ELAVL1: variants seen among roughly 807,000 people sequenced by gnomAD.
ELAVL1 encodes the protein ELAV-like protein 1.
In ELAVL1, 1 loss-of-function variant was observed where a neutral mutation model predicts 28.4. That is an observed-to-expected ratio of 0.04 (90% CI 0.01 to 0.17). The LOEUF (loss-of-function observed/expected upper bound fraction) is 0.17, where lower values mean the gene tolerates loss of function less well. Ranked by LOEUF, ELAVL1 falls within the 10% of genes least tolerant of loss-of-function variation. The pLI is 1.00. For synonymous variants in ELAVL1, 174 were observed against 183.5 expected, an observed-to-expected ratio of 0.95 and a Z score of 0.42; for missense variants, 157 against 447.2, an observed-to-expected ratio of 0.35 and a Z score of 5.85.
At chr19:7,983,393 G>T (rs1232055792) in intron 2 of ELAVL1, among the ~76,000 whole-genome samples, 1 of 152,196 alleles carries the variant, frequency 6.6e-6, no homozygotes, top group Non-Finnish European at 1.5e-5. Flanking sequence ...AGGTGTCCCT[G>T]CACCCCCTTT....
chr19:7,991,932 C>CTTTT (rs398033838), intron 1 of ELAVL1, 101 bp from the exon 2 acceptor site: 40 of 647,378 alleles, frequency 6.2e-5, no homozygotes, highest in Admixed American at 8.6e-5. Context: ...TTCTTTCTTT[C>CTTTT]TTTTTTTTTT....
At chr19:7,998,541 C>T (rs2081056847) in intron 1 of ELAVL1, among the ~76,000 whole-genome samples, 2 of 152,356 alleles carry the variant, frequency 1.3e-5, no homozygotes, top group Middle Eastern at 3.4e-3. Flanking sequence ...ACCCTCCCTT[C>T]CCGCTCACTC....
At chr19:7,964,035 T>C (rs773069759) in intron 5 of ELAVL1, among the ~76,000 whole-genome samples, 2 of 152,038 alleles carry the variant, frequency 1.3e-5, no homozygotes, top group Non-Finnish European at 2.9e-5. Context: ...GAGGGGCTGG[T>C]TGGTGCCCTC....
chr19:7,991,903 G>T, intron 1 of ELAVL1, 72 bp from the exon 2 acceptor site: 9 of 1,144,514 alleles, frequency 7.9e-6, no homozygotes, highest in South Asian at 3.8e-5. Flanking sequence ...ACTAGTAACT[G>T]CATTTGCACT....
chr19:7,963,801 G>A lies in ELAVL1; in HGVS notation c.663C>T (p.Ser221=), dbSNP rs1320876709. ...CGCTCATGTGATCGACGCCCATGGG[G>A]GAGAACCTGGCAGACAGAGAGCAAG... ...VHHQAQRFRF[S]PMGVDHMSGL... is the part of the protein sequence containing the mutation. Residue 221 remains serine, a synonymous_variant, in exon 6 of 6, where the codon TCC becomes TCT. Transcript: ENST00000407627. This position sits in a 1 kb window ranked among gnomAD's most constrained non-coding sequence, Gnocchi z 4.5. 2 of 1,613,210 alleles carry A rather than the reference G, an allele frequency of 1.2e-6. No individual in the cohort carries two copies. Among genetic ancestry groups the A allele is most frequent in the Admixed American group, 3.3e-5 (2 of 59,998 alleles).
At chr19:7,978,304 C>T (rs924561871) in intron 3 of ELAVL1, among the ~76,000 whole-genome samples, 23 of 152,140 alleles carry the variant, frequency 1.5e-4, no homozygotes, top group Middle Eastern at 6.3e-3. Context: ...GGATGGGCTC[C>T]GACACCAGAA....
intron 4 of ELAVL1, among the ~76,000 whole-genome samples, chr19:7,971,939 G>T (rs574691577): frequency 6.6e-6 from 1 of 152,354 alleles, no homozygotes; most frequent in Non-Finnish European, 1.5e-5. Flanking sequence ...GGCCAGGAAG[G>T]CCCCACCTGT....
intron 1 of ELAVL1, among the ~76,000 whole-genome samples, chr19:8,003,806 A>G (rs1030660604): frequency 5.3e-5 from 8 of 152,144 alleles, no homozygotes; most frequent in African/African-American, 1.9e-4. Flanking sequence ...TTCCTTCCAC[A>G]TTTGAGACGT....
rs1984796297 is a variant in ELAVL1 at position 7,961,197 on chromosome 19, T to TC, written c.*2285dup. ...AAGAAGCTGAGGTGCTACAAGCCCG[T>TC]CATCATTTTCACAGTTGAAGCTTAA... On this transcript the variant is annotated 3_prime_UTR_variant, in exon 6 of 6. Transcript: ENST00000407627. 1 of 152,260 alleles carries TC rather than the reference T, an allele frequency of 6.6e-6. No individual in the cohort carries two copies. Among genetic ancestry groups the TC allele is most frequent in the Non-Finnish European group, 1.5e-5 (1 of 68,048 alleles). 9.4% of individuals were successfully genotyped at this position (152,260 alleles called of 1,614,324 possible).
At chr19:7,986,322 T>C (rs1194957516) in intron 2 of ELAVL1, among the ~76,000 whole-genome samples, 1 of 152,144 alleles carries the variant, frequency 6.6e-6, no homozygotes, top group Admixed American at 6.5e-5. Flanking sequence ...ACTGAATTAA[T>C]TCAGCAATAA....
chr19:7,986,687 A>G (rs1985610974), intron 2 of ELAVL1, among the ~76,000 whole-genome samples: 1 of 152,232 alleles, frequency 6.6e-6, no homozygotes, highest in Non-Finnish European at 1.5e-5. Flanking sequence ...GTGCCAGGAC[A>G]TTTATGTCAG....
At chr19:7,973,649 G>C in intron 4 of ELAVL1, 76 bp downstream of exon 4, 5 of 1,517,918 alleles carry the variant, frequency 3.3e-6, no homozygotes, top group Non-Finnish European at 3.6e-6. Flanking sequence ...AAATCAAACG[G>C]TGATCTGCCT....
Position 7,981,795 on chromosome 19 carries a change from G to C in ELAVL1, c.173-609C>G, listed in dbSNP as rs143816305. On this transcript the variant is annotated intron_variant, in intron 2 of 5. Transcript: ENST00000407627. The surrounding 1 kb of genome is among the most constrained non-coding windows in gnomAD (Gnocchi z 4.2). ...CAGTCCCGTGGGTGCCGGCCGCTCTGTGGGGCCTGGGTGGTGAGGATGAGG... is the reference window on the plus strand; with the variant it reads ...CAGTCCCGTGGGTGCCGGCCGCTCTCTGGGGCCTGGGTGGTGAGGATGAGG... Among the ~76,000 whole-genome samples the C allele has an allele frequency of 2.9e-4, 44 of 152,358 alleles. No homozygotes were observed. The highest frequency in any genetic ancestry group is 1.1e-3 in the African/African-American group (44 of 41,582).
At chr19:7,993,210 C>G (rs995524849) in intron 1 of ELAVL1, among the ~76,000 whole-genome samples, 8 of 152,226 alleles carry the variant, frequency 5.3e-5, no homozygotes, top group African/African-American at 1.9e-4. Context: ...TCCAAGTTCA[C>G]TAAGAGGGCT....
intron 3 of ELAVL1, among the ~76,000 whole-genome samples, chr19:7,978,759 G>A (rs1985373349): frequency 6.6e-6 from 1 of 152,102 alleles, no homozygotes; most frequent in South Asian, 2.1e-4. Context: ...TCCCCCAAAG[G>A]GTGACTGGCA....
At chr19:7,989,708 GGA>G (rs1334391812) in intron 2 of ELAVL1, among the ~76,000 whole-genome samples, 1 of 152,234 alleles carries the variant, frequency 6.6e-6, no homozygotes, top group African/African-American at 2.4e-5. Flanking sequence ...TCCTGGAGCA[GGA>G]GAGAGATGCT....
rs940801056 is a variant in ELAVL1, at chr19:7,960,712, C to T, written c.*2771G>A. 7 of 152,592 alleles carry T rather than the reference C, an allele frequency of 4.6e-5. No homozygotes were observed. The highest frequency in any genetic ancestry group is 7.3e-5 in the Non-Finnish European group (5 of 68,038). 9.5% of individuals were successfully genotyped at this position (152,592 alleles called of 1,614,324 possible). On this transcript the variant is annotated 3_prime_UTR_variant, in exon 6 of 6. Transcript: ENST00000407627. ...ATAAATGAACATTATCTACTCTGAA[C>T]GCTTTTTCATCGAAATTCCCAAATA...
chr19:7,995,534 A>G (rs1385937552), intron 1 of ELAVL1, among the ~76,000 whole-genome samples: 1 of 152,184 alleles, frequency 6.6e-6, no homozygotes, highest in African/African-American at 2.4e-5. Flanking sequence ...GTTTTATTGG[A>G]ATACAGCTTG....
intron 1 of ELAVL1, among the ~76,000 whole-genome samples, chr19:7,999,651 C>T (rs925183623): frequency 3.9e-5 from 6 of 152,108 alleles, no homozygotes; most frequent in African/African-American, 9.6e-5. Flanking sequence ...GGCATGATCA[C>T]GGCTCACTGC....
Sources: allele counts gnomAD v4.1 joint callset (sites outside exome capture counted in the v4.1 genomes callset), GRCh38; gene constraint gnomAD v4.1.1; non-coding constraint Gnocchi (gnomAD v3.1); transcripts MANE v1.5; gene names NCBI Gene and HGNC (gene_info 2026-07-23, HGNC 2026-07-21).